The following SVIL variants were observed in gnomAD, a reference collection of about 807,000 sequenced individuals.
The protein encoded by SVIL is supervillin.
A neutral mutation model predicts 240.4 loss-of-function variants in SVIL; 101 were observed. The ratio of observed to expected loss-of-function variants is 0.42; its 90% CI spans 0.36 to 0.50. The LOEUF is 0.50. Ranked by LOEUF, SVIL falls within the 20% of genes least tolerant of loss-of-function variation. The pLI is 0.01. For missense variants in SVIL, 2,512 were observed against 2,818.7 expected, an observed-to-expected ratio of 0.89 and a Z score of 2.46; for synonymous variants, 999 against 1,100.0, an observed-to-expected ratio of 0.91 and a Z score of 1.82.
At chr10:29,616,876 C>G (rs778637423) in intron 1 of SVIL, among the ~76,000 whole-genome samples, 3 of 152,194 alleles carry the variant, frequency 2.0e-5, no homozygotes, top group Non-Finnish European at 4.4e-5. Context: ...GCCCACGCCA[C>G]GAAGCATGGC....
intron 18 of SVIL, among the ~76,000 whole-genome samples, chr10:29,498,463 G>C (rs1218482929): frequency 6.6e-6 from 1 of 152,124 alleles, no homozygotes; most frequent in African/African-American, 2.4e-5. Context: ...TTTGTTAGCA[G>C]ATTTGAACTG....
chr10:29,704,886 C>T (rs1442153988), intron 1 of SVIL, among the ~76,000 whole-genome samples: 5 of 152,118 alleles, frequency 3.3e-5, no homozygotes, highest in African/African-American at 1.2e-4. Context: ...GGGAAGGGAA[C>T]AGGGAACTCC....
chr10:29,486,613 T>A, intron 24 of SVIL, 56 bp from the exon 25 acceptor site: 1 of 1,604,336 alleles, frequency 6.2e-7, no homozygotes, highest in Non-Finnish European at 8.5e-7. Flanking sequence ...CTAGACAGAG[T>A]GGCACATGTC....
At chr10:29,574,432 G>A (rs181731931) in intron 1 of SVIL, among the ~76,000 whole-genome samples, 15 of 152,260 alleles carry the variant, frequency 9.9e-5, no homozygotes, top group East Asian at 7.7e-4. Context: ...GCGGTGGCTG[G>A]AGGAGACCTG....
intron 6 of SVIL, among the ~76,000 whole-genome samples, chr10:29,546,677 C>A (rs1243346427): frequency 6.6e-6 from 1 of 152,120 alleles, no homozygotes; most frequent in Non-Finnish European, 1.5e-5. Flanking sequence ...AAAAACTGAG[C>A]ATTGGAGATG....
At position 29,495,199 on chromosome 10, in the gene SVIL, G is replaced by A. The variant is rs368261558; in HGVS notation, c.3665-18C>T. On this transcript the variant is annotated intron_variant, in intron 18 of 37. Coordinates refer to ENST00000355867, the MANE Select transcript of SVIL (RefSeq NM_021738.3). ...CGCCAAACCTGTGGAACACACAGAC[G>A]AGCTACTGAGCATCTCAGGGTCACT... The A allele has an allele frequency of 1.4e-4, 194 of 1,343,216 alleles. No homozygotes were observed. Among genetic ancestry groups the A allele is most frequent in the Non-Finnish European group, 1.8e-4 (172 of 956,434 alleles). The allele number at this position is 1,343,216 out of a possible 1,614,324, so 83.2% of individuals were successfully genotyped here.
rs1172493387 is a variant in SVIL, at chr10:29,561,079, C to T, written c.-51+2122G>A. On this transcript the variant is annotated intron_variant, in intron 3 of 37. Coordinates refer to ENST00000355867, the MANE Select transcript of SVIL (RefSeq NM_021738.3). ...CTCGTAATCCACCTGCCTTGGCCTC[C>T]CAAAGTGCTGGGATTACAGATGCGA... Among the ~76,000 whole-genome samples, 4 of 149,912 alleles carry T rather than the reference C, an allele frequency of 2.7e-5. No homozygotes were observed. In the South Asian group the frequency reaches 8.6e-4, roughly 32 times the overall value.
chr10:29,512,880 C>A lies in SVIL; in HGVS notation c.3390-19G>T, dbSNP rs1453448917. On this transcript the variant is annotated intron_variant, in intron 16 of 37. Coordinates refer to ENST00000355867, the MANE Select transcript of SVIL (RefSeq NM_021738.3). ...TGCCAATCTAGGAGGAAAACATGCC[C>A]GCCACAAAGAGTTCAGCACCAAACT... 4 of 1,607,270 alleles carry A rather than the reference C, an allele frequency of 2.5e-6. No homozygotes were observed. Among genetic ancestry groups the A allele is most frequent in the South Asian group, 1.1e-5 (1 of 90,656 alleles).
At chr10:29,624,264 T>G (rs1957779502) in intron 1 of SVIL, among the ~76,000 whole-genome samples, 1 of 151,900 alleles carries the variant, frequency 6.6e-6, no homozygotes, top group Admixed American at 6.6e-5. Context: ...AAAAACCATC[T>G]GCTTGGCTCA....
At chr10:29,533,937 A>C (rs1251407942) in intron 7 of SVIL, among the ~76,000 whole-genome samples, 1 of 152,216 alleles carries the variant, frequency 6.6e-6, no homozygotes, top group African/African-American at 2.4e-5. Flanking sequence ...AAAATGTAAG[A>C]GCACTCACGA....
chr10:29,560,452 T>TA (rs1954350966), intron 3 of SVIL, among the ~76,000 whole-genome samples: 1 of 152,156 alleles, frequency 6.6e-6, no homozygotes, highest in African/African-American at 2.4e-5. Context: ...AATTCCTAAA[T>TA]AAAAAATCTT....
rs1323470589 is a variant in SVIL, at chr10:29,697,842, AG to A, written c.-399-11192del. ...GAAAACAACAACAACAACAAAAAAAAGTCCTCCCATAAGGAAAGATGATCAA... is the reference window on the plus strand; with the variant it reads ...GAAAACAACAACAACAACAAAAAAAATCCTCCCATAAGGAAAGATGATCAA... On this transcript the variant is annotated intron_variant, in intron 1 of 35. Coordinates refer to the SVIL transcript ENST00000375400. The A allele has an allele frequency of 8.7e-5, 27 of 311,634 alleles. 1 individual carries two copies. The highest frequency in any genetic ancestry group is 1.0e-4 in the Non-Finnish European group (19 of 181,000). The allele number at this position is 311,634 out of a possible 1,614,324, so 19.3% of individuals were successfully genotyped here.
At chr10:29,530,759 T>C in intron 10 of SVIL, 91 bp from the exon 11 acceptor site, 2 of 1,398,634 alleles carry the variant, frequency 1.4e-6, no homozygotes, top group South Asian at 1.2e-5. Context: ...CTGGAAATCT[T>C]TGAATACAAC....
intron 1 of SVIL, among the ~76,000 whole-genome samples, chr10:29,580,679 T>G (rs768402579): frequency 1.1e-4 from 16 of 151,676 alleles, no homozygotes; most frequent in African/African-American, 1.9e-4. Context: ...ATGTATGTAT[T>G]TATTTGAGAC....
chr10:29,621,650 A>C (rs1304506767), intron 1 of SVIL, among the ~76,000 whole-genome samples: 1 of 152,182 alleles, frequency 6.6e-6, no homozygotes, highest in Non-Finnish European at 1.5e-5. Context: ...CTACCTCACA[A>C]AACCACATGG....
At chr10:29,522,698 G>C in intron 15 of SVIL, 63 bp from the exon 16 acceptor site, 1 of 1,533,034 alleles carries the variant, frequency 6.5e-7, no homozygotes, top group Admixed American at 1.9e-5. Context: ...CCAGCGATTC[G>C]CCCTCAACAG....
Position 29,529,768 on chromosome 10 carries a change from C to T in SVIL, c.2183G>A (p.Arg728His), listed in dbSNP as rs144573592. The T allele has an allele frequency of 1.0e-4, 165 of 1,613,608 alleles. No homozygotes were observed. The highest frequency in any genetic ancestry group is 5.0e-4 in the Middle Eastern group (3 of 6,040). Reference protein sequence around the residue: ...SRNTAVEQRLRRLQDRSLTQP... With the variant: ...SRNTAVEQRLHRLQDRSLTQP... ...GGTGAGGGACCTGTCCTGCAGACGG[C>T]GTAGCCTCTGCTCCACAGCTGTGTT... Residue 728 changes from arginine (R) to histidine (H), a missense_variant, in exon 12 of 38, where the codon CGC becomes CAC. By Grantham distance (29) the Arg-to-His change is conservative. This residue lies in a region of SVIL where 1,443 missense variants were observed against 1,486.6 expected (regional missense o/e 0.97). Transcript: ENST00000355867.
At chr10:29,653,808 T>C (rs1397200317) in intron 3 of SVIL, among the ~76,000 whole-genome samples, 1 of 152,202 alleles carries the variant, frequency 6.6e-6, no homozygotes, top group Non-Finnish European at 1.5e-5. Context: ...TTTTTCCCCA[T>C]TGAATTGTTT....
intron 2 of SVIL, among the ~76,000 whole-genome samples, chr10:29,662,778 T>C (rs1247918090): frequency 6.7e-6 from 1 of 149,392 alleles, no homozygotes; most frequent in Non-Finnish European, 1.5e-5. Context: ...TGTGCGCGCG[T>C]ACACACACAC....
Sources: gnomAD v4.1 joint callset for allele counts (sites outside exome capture counted in the v4.1 genomes callset) on GRCh38, gnomAD v4.1.1 for gene constraint, gnomAD v4.1.1 regional missense constraint, MANE v1.5 for transcripts, NCBI Gene and HGNC (gene_info 2026-07-23, HGNC 2026-07-21) for gene names.